Variants in TTC9C observed in about 807,000 individuals in gnomAD.
TTC9C encodes the protein tetratricopeptide repeat domain 9C, also known as tetratricopeptide repeat protein 9C.
In TTC9C, 15 loss-of-function variants were observed where a neutral mutation model predicts 22.5. The observed-to-expected ratio is 0.67, with a 90% CI of 0.45 to 1.03. The LOEUF (loss-of-function observed/expected upper bound fraction) is 1.03. Among genes scored for constraint, TTC9C ranks in the 50% least tolerant of loss-of-function variants. TTC9C has a pLI of 0.00. For missense variants in TTC9C, 244 were observed against 214.6 expected (o/e 1.14, Z -0.86); for synonymous variants, 92 against 86.8 (o/e 1.06, Z -0.33).
At chr11:62,734,074 G>A (rs1239414968) in intron 1 of TTC9C, among the ~76,000 whole-genome samples, 2 of 151,806 alleles carry the variant, frequency 1.3e-5, no homozygotes, top group East Asian at 1.9e-4. Context: ...TGAGGCCAGC[G>A]AATCACCTGA....
rs1002837900 is a variant in TTC9C at position 62,738,506 on chromosome 11, T to C, written c.*124T>C. On this transcript the variant is annotated 3_prime_UTR_variant, in exon 3 of 3. Coordinates refer to ENST00000316461, the MANE Select transcript of TTC9C (RefSeq NM_173810.4). ...TCTGACCCAGGTGGATTTTTGTTTC[T>C]AGTTCTGCACAAACTTCACTACTTA... 1.6e-6 allele frequency: 1 copy of C among 633,190 alleles called. No individual in the cohort carries two copies. 39.2% of individuals were successfully genotyped at this position (633,190 alleles called of 1,614,324 possible).
At position 62,738,393 on chromosome 11, in the gene TTC9C, A is replaced by G. The variant is rs769292010; in HGVS notation, c.*11A>G. On this transcript the variant is annotated 3_prime_UTR_variant, in exon 3 of 3. Transcript: ENST00000316461. ...GGCATGTTTGGTTAACAAAGAAGAA[A>G]GATGCTCCTCCAGTTGAACTTAGGT... 6.3e-6 allele frequency: 10 copies of G among 1,578,340 alleles called. No individual in the cohort carries two copies. The African/African-American group carries it at 1.3e-4, about 21-fold the overall frequency.
At chr11:62,729,193 C>A in intron 1 of TTC9C, 107 bp downstream of exon 1, 1 of 926,516 alleles carries the variant, frequency 1.1e-6, no homozygotes, top group East Asian at 2.5e-5. Flanking sequence ...TACTGTCATC[C>A]ATTTATTCTG....
chr11:62,728,996 C>A lies in TTC9C; in HGVS notation c.148C>A (p.Pro50Thr), dbSNP rs1368629207. ...GGATCCGAGTCTGCCCTCTCCGTTACCTAATCTCGGACCTCAGGGCCCGGC... is the reference window on the plus strand; with the variant it reads ...GGATCCGAGTCTGCCCTCTCCGTTAACTAATCTCGGACCTCAGGGCCCGGC... ...GLDPSLPSPL[P>T]NLGPQGPALT... Residue 50 changes from proline (P) to threonine (T), a missense_variant, in exon 1 of 3, where the codon CCT becomes ACT. By Grantham distance (38) the Pro-to-Thr change is conservative. Transcript: ENST00000316461. 2 of 1,614,082 alleles carry A rather than the reference C, an allele frequency of 1.2e-6. No homozygotes were observed. The highest frequency in any genetic ancestry group is 3.3e-5 in the Admixed American group (2 of 59,990).
Position 62,738,350 on chromosome 11 carries a change from G to A in TTC9C, c.484G>A (p.Glu162Lys), listed in dbSNP as rs755310157. ...QSELSSYHRKEKQLYLGMFG is the reference protein window; with the variant it reads ...QSELSSYHRKKKQLYLGMFG ...AGAACTCAGCAGCTACCATAGAAAA[G>A]AGAAGCAGCTCTACCTGGGCATGTT... is the stretch of plus-strand genomic sequence containing the variant. The change falls in exon 3 of 3, where the codon GAG becomes AAG. Residue 162 changes from glutamate (E) to lysine (K), a missense_variant. Glu to Lys is a moderately conservative substitution (Grantham distance 56). Coordinates refer to ENST00000316461, the MANE Select transcript of TTC9C (RefSeq NM_173810.4). The A allele has an allele frequency of 1.2e-6, 2 of 1,612,960 alleles. No homozygotes were observed. The highest frequency in any genetic ancestry group is 2.2e-5 in the South Asian group (2 of 90,846).
In TTC9C at chr11:62,735,384, T is replaced by A; in HGVS notation, c.241T>A (p.Cys81Ser). ...QTDCYNNLAACLLQMEPVNYE... is the reference protein window; with the variant it reads ...QTDCYNNLAASLLQMEPVNYE... The stretch of plus-strand genomic sequence containing the variant: ...TCTCTTTTCATTTGGCCCATTAGCT[T>A]GTCTCCTTCAGATGGAGCCCGTGAA... The change falls in exon 2 of 3, where the codon TGT becomes AGT. Residue 81 changes from cysteine (C) to serine (S), a missense_variant and splice_region_variant. Coordinates refer to ENST00000316461, the MANE Select transcript of TTC9C (RefSeq NM_173810.4). The A allele has an allele frequency of 6.2e-7, 1 of 1,613,934 alleles. No homozygotes were observed. Among genetic ancestry groups the A allele is most frequent in the African/African-American group, 1.3e-5 (1 of 75,042 alleles).
intron 2 of TTC9C, 63 bp from the exon 3 acceptor site, chr11:62,738,225 A>G (rs562052885): frequency 1.1e-5 from 11 of 995,106 alleles, no homozygotes; most frequent in Non-Finnish European, 1.7e-5. Context: ...TCCTGCCACA[A>G]GGTATGATTA....
chr11:62,729,371 TTTTTTA>T (rs1163707355), intron 1 of TTC9C, among the ~76,000 whole-genome samples: 5 of 108,256 alleles, frequency 4.6e-5, no homozygotes, highest in Non-Finnish European at 9.8e-5. Context: ...ATTTCTTTAT[TTTTTTA>T]TTTTATTTTA....
intron 2 of TTC9C, among the ~76,000 whole-genome samples, chr11:62,736,902 T>C (rs1483975017): frequency 1.3e-5 from 2 of 150,208 alleles, no homozygotes; most frequent in Non-Finnish European, 3.0e-5. Context: ...TCCTGGTCTT[T>C]AAGAGTGATT....
intron 1 of TTC9C, among the ~76,000 whole-genome samples, chr11:62,731,240 A>G (rs183427881): frequency 0.04 from 5,592 of 140,552 alleles, 343 homozygotes; most frequent in African/African-American, 0.14. Flanking sequence ...CCACCTTCAC[A>G]CTTTTGTAGG....
chr11:62,731,807 G>A (rs1415019916), intron 1 of TTC9C, among the ~76,000 whole-genome samples: 3 of 150,180 alleles, frequency 2.0e-5, no homozygotes, highest in South Asian at 2.1e-4. Flanking sequence ...CCAACCTCCC[G>A]AATAGCTGGG....
intron 1 of TTC9C, among the ~76,000 whole-genome samples, chr11:62,733,410 A>G (rs1002331405): frequency 2.0e-5 from 3 of 152,154 alleles, no homozygotes; most frequent in Non-Finnish European, 2.9e-5. Flanking sequence ...TTAATAGTGT[A>G]GATGCGAAGA....
Position 62,729,039 on chromosome 11 carries a change from A to G in TTC9C, c.191A>G (p.Glu64Gly), listed in dbSNP as rs777091044. 2.5e-6 allele frequency: 4 copies of G among 1,614,052 alleles called. No individual in the cohort carries two copies. The change falls in exon 1 of 3, where the codon GAA (glutamate) becomes GGA (glycine). Residue 64 changes from glutamate (E) to glycine (G), a missense_variant. By Grantham distance (98) the Glu-to-Gly change is moderately conservative. Transcript: ENST00000316461. The part of the protein sequence containing the change: ...PQGPALTPEQ[E>G]NILHTTQTDC... The stretch of plus-strand genomic sequence containing the variant: ...GGCCCGGCCCTCACGCCTGAACAAG[A>G]AAACATATTGCATACCACCCAGACA...
chr11:62,732,234 A>T, intron 1 of TTC9C, among the ~76,000 whole-genome samples: 1 of 151,772 alleles, frequency 6.6e-6, no homozygotes, highest in East Asian at 2.0e-4. Flanking sequence ...TGACCTCATG[A>T]TCTGCCTGCC....
intron 2 of TTC9C, among the ~76,000 whole-genome samples, chr11:62,736,832 C>T (rs1402971963): frequency 6.7e-6 from 1 of 148,384 alleles, no homozygotes; most frequent in Non-Finnish European, 1.5e-5. Flanking sequence ...CTAGCCTGGG[C>T]GACAGAGCCA....
Position 62,738,478 on chromosome 11 carries a change from A to G in TTC9C, c.*96A>G. Reference sequence around the variant, plus strand: ...CCTCAGCAAGAGAAATTAACCCTATACCTCTGACCCAGGTGGATTTTTGTT... The same window carrying G: ...CCTCAGCAAGAGAAATTAACCCTATGCCTCTGACCCAGGTGGATTTTTGTT... On this transcript the variant is annotated 3_prime_UTR_variant, in exon 3 of 3. Coordinates refer to ENST00000316461, the MANE Select transcript of TTC9C (RefSeq NM_173810.4). 4 of 806,424 alleles carry G rather than the reference A, an allele frequency of 5.0e-6. No individual in the cohort carries two copies. Among genetic ancestry groups the G allele is most frequent in the Non-Finnish European group, 8.0e-6 (4 of 502,712 alleles). 50.0% of individuals were successfully genotyped at this position (806,424 alleles called of 1,614,324 possible).
chr11:62,728,158 A>G (rs1002644304), upstream of TTC9C: 1 of 218,022 alleles, frequency 4.6e-6, no homozygotes. Flanking sequence ...CAAGATACCA[A>G]ACTGTACGCA....
chr11:62,735,287 G>T (rs1160235439), intron 1 of TTC9C, 95 bp from the exon 2 acceptor site: 3 of 1,486,316 alleles, frequency 2.0e-6, no homozygotes, highest in East Asian at 4.6e-5. Flanking sequence ...ACTGAATGTT[G>T]TTACCACCCT....
At chr11:62,728,051 C>CT (rs4061931), upstream of TTC9C, 1 of 81,900 alleles carries the variant, frequency 1.2e-5, no homozygotes, top group Admixed American at 1.1e-4. Flanking sequence ...TTTTTTTTTT[C>CT]CCAGGTTGGT....
Sources: gnomAD v4.1 joint callset for allele counts (sites outside exome capture counted in the v4.1 genomes callset) on GRCh38, gnomAD v4.1.1 for gene constraint, MANE v1.5 for transcripts, NCBI Gene and HGNC (gene_info 2026-07-23, HGNC 2026-07-21) for gene names.